Variants in C18orf54 observed in about 807,000 individuals in gnomAD.
C18orf54 encodes lung adenoma susceptibility protein 2.
C18orf54 carries 49 observed loss-of-function variants against 49.3 expected under a neutral mutation model. The ratio of observed to expected loss-of-function variants is 0.99; its 90% CI spans 0.79 to 1.26. C18orf54 has a LOEUF of 1.26. Among genes scored for constraint, C18orf54 ranks in the 50% most tolerant of loss-of-function variants. C18orf54 has a pLI of 0.00. For synonymous variants in C18orf54, 211 were observed against 216.6 expected (o/e 0.97, Z 0.23); for missense variants, 687 against 620.6 (o/e 1.11, Z -1.14).
chr18:54,376,390 G>A (rs1599352335), intron 8 of C18orf54, among the ~76,000 whole-genome samples: 1 of 152,298 alleles, frequency 6.6e-6, no homozygotes, highest in East Asian at 1.9e-4. Flanking sequence ...GTAGAGATGG[G>A]GTTTCGCCAT....
chr18:54,378,366 G>A lies in C18orf54; in HGVS notation c.*120G>A. 2 of 835,884 alleles carry A rather than the reference G, an allele frequency of 2.4e-6. No individual in the cohort carries two copies. Among genetic ancestry groups the A allele is most frequent in the Non-Finnish European group, 3.6e-6 (2 of 552,898 alleles). 51.8% of individuals were successfully genotyped at this position (835,884 alleles called of 1,614,324 possible). A position where few individuals can be genotyped will look rare whatever the true frequency, so the allele number is the denominator to read the frequency against. ...TACATTATTTTGTGGTTGGTTCAAG[G>A]ATTATATATTTCTAAAACACTAAAC... On this transcript the variant is annotated 3_prime_UTR_variant, in exon 9 of 9. Coordinates refer to ENST00000620105, the MANE Select transcript of C18orf54 (RefSeq NM_001288980.2).
intron 6 of C18orf54, among the ~76,000 whole-genome samples, chr18:54,372,014 CATGA>C (rs2089494291): frequency 6.6e-6 from 1 of 151,884 alleles, no homozygotes; most frequent in Non-Finnish European, 1.5e-5. Context: ...ATGTATGGCC[CATGA>C]AGAGGTGAAA....
rs565821754 is a variant in C18orf54 at position 54,377,626 on chromosome 18, A to G, written c.1530-548A>G. 8.5e-5 allele frequency among the ~76,000 whole-genome samples: 13 copies of G among 152,338 alleles called. No homozygotes were observed. The East Asian group carries it at 1.5e-3, about 18-fold the overall frequency. On this transcript the variant is annotated intron_variant, in intron 8 of 8. Coordinates refer to ENST00000620105, the MANE Select transcript of C18orf54 (RefSeq NM_001288980.2). ...TCAGAGAAAAATCTAGGTTGTTGGT[A>G]TAACAACACATTATATAGACTTATT...
intron 6 of C18orf54, among the ~76,000 whole-genome samples, chr18:54,369,527 T>C (rs1236026888): frequency 7.5e-6 from 1 of 132,684 alleles, no homozygotes; most frequent in Non-Finnish European, 1.5e-5. Context: ...TGGAGCGCAG[T>C]GGCACAATCT....
chr18:54,366,157 A>C (rs1334795684), intron 6 of C18orf54, among the ~76,000 whole-genome samples: 1 of 151,792 alleles, frequency 6.6e-6, no homozygotes, highest in African/African-American at 2.4e-5. Context: ...TCTTTAAGGT[A>C]TTTGGAAATA....
Position 54,374,200 on chromosome 18 carries a change from GT to G in C18orf54, c.1459-9del. On this transcript the variant is annotated splice_polypyrimidine_tract_variant and intron_variant, in intron 7 of 8. Coordinates refer to ENST00000620105, the MANE Select transcript of C18orf54 (RefSeq NM_001288980.2). The stretch of plus-strand genomic sequence containing the variant: ...ATTTTAATATTTTGTTATATTTGGT[GT>G]TTTTAATAATAGGTTTCAGAAGATG... The G allele has an allele frequency of 1.3e-6, 2 of 1,541,796 alleles. No individual in the cohort carries two copies. Among genetic ancestry groups the G allele is most frequent in the South Asian group, 1.2e-5 (1 of 80,366 alleles).
At chr18:54,369,568 A>G (rs1282529321) in intron 6 of C18orf54, among the ~76,000 whole-genome samples, 6 of 145,354 alleles carry the variant, frequency 4.1e-5, no homozygotes, top group South Asian at 2.2e-4. Context: ...TCCCAGGTTC[A>G]AGCAGTTTTC....
intron 5 of C18orf54, 52 bp from the exon 6 acceptor site, chr18:54,365,667 T>G: frequency 9.2e-7 from 1 of 1,081,234 alleles, no homozygotes; most frequent in Non-Finnish European, 1.4e-6. Flanking sequence ...CTGTTTACTT[T>G]TTAGAAATTG....
In C18orf54 at chr18:54,378,464, C is replaced by A; in HGVS notation, c.*218C>A. 1 of 397,454 alleles carries A rather than the reference C, an allele frequency of 2.5e-6. No homozygotes were observed. Among genetic ancestry groups the A allele is most frequent in the Non-Finnish European group, 4.5e-6 (1 of 222,066 alleles). The allele number at this position is 397,454 out of a possible 1,614,324, so 24.6% of individuals were successfully genotyped here. On this transcript the variant is annotated 3_prime_UTR_variant, in exon 9 of 9. Coordinates refer to ENST00000620105, the MANE Select transcript of C18orf54 (RefSeq NM_001288980.2). ...ATACTAGAATGTGAACTGCAAGGAC[C>A]CACAATATATCCTGAAGTCTTACTT...
intron 6 of C18orf54, among the ~76,000 whole-genome samples, chr18:54,366,826 G>T (rs2144732713): frequency 6.9e-6 from 1 of 145,024 alleles, no homozygotes; most frequent in South Asian, 2.2e-4. Flanking sequence ...TAAAAAAAAA[G>T]TCCATAATTG....
chr18:54,373,337 A>C (rs1383706078), intron 7 of C18orf54, among the ~76,000 whole-genome samples: 2 of 151,844 alleles, frequency 1.3e-5, no homozygotes, highest in African/African-American at 2.4e-5. Flanking sequence ...GGTGTACAAC[A>C]TGATGTTTTG....
At chr18:54,365,573 C>T in intron 5 of C18orf54, 146 bp from the exon 6 acceptor site, 1 of 463,044 alleles carries the variant, frequency 2.2e-6, no homozygotes, top group East Asian at 3.2e-5. Context: ...AGGGAATTAC[C>T]ATACAACATT....
rs1208304611 is a variant in C18orf54 at position 54,380,657 on chromosome 18, T to C, written c.*2411T>C. On this transcript the variant is annotated 3_prime_UTR_variant, in exon 9 of 9. Coordinates refer to ENST00000620105, the MANE Select transcript of C18orf54 (RefSeq NM_001288980.2). ...TGGGTATATGTCATTATAGTTATGTTATTTCTTGTTGAAATTTATAATTGT... is the reference window on the plus strand; with the variant it reads ...TGGGTATATGTCATTATAGTTATGTCATTTCTTGTTGAAATTTATAATTGT... 1 of 152,136 alleles carries C rather than the reference T, an allele frequency of 6.6e-6. No homozygotes were observed. Among genetic ancestry groups the C allele is most frequent in the Non-Finnish European group, 1.5e-5 (1 of 67,968 alleles). The allele number at this position is 152,136 out of a possible 1,614,324, so 9.4% of individuals were successfully genotyped here. A position where few individuals can be genotyped will look rare whatever the true frequency, so the allele number is the denominator to read the frequency against.
intron 6 of C18orf54, 48 bp from the exon 7 acceptor site, chr18:54,372,418 C>T: frequency 7.2e-7 from 1 of 1,394,164 alleles, no homozygotes. Flanking sequence ...CTCTTCTTTC[C>T]CTGAGCTTGG....
At chr18:54,367,976 T>G (rs1229595815) in intron 6 of C18orf54, among the ~76,000 whole-genome samples, 1 of 152,174 alleles carries the variant, frequency 6.6e-6, no homozygotes, top group East Asian at 1.9e-4. Context: ...TTAAGCTCTC[T>G]ATTGTATTTT....
intron 6 of C18orf54, among the ~76,000 whole-genome samples, chr18:54,369,565 T>TTA (rs1225216091): frequency 1.4e-5 from 2 of 144,444 alleles, no homozygotes; most frequent in Non-Finnish European, 3.0e-5. Context: ...GCCTCCCAGG[T>TTA]TCAAGCAGTT....
rs777254306 is a variant in C18orf54 at position 54,372,477 on chromosome 18, C to A, written c.1338C>A (p.Leu446=). ...TGTTTTAACCTTAGAGCTGTACTCT[C>A]TCTGGAGGCAAACATCATGGTCCTG... ...FLNNDNQSCT[L]SGGKHHGPVE... Residue 446 remains leucine (L), a synonymous_variant, in exon 7 of 9, where the codon CTC becomes CTA. Coordinates refer to ENST00000620105, the MANE Select transcript of C18orf54 (RefSeq NM_001288980.2). 4 of 1,608,738 alleles carry A rather than the reference C, an allele frequency of 2.5e-6. No homozygotes were observed. In the Admixed American group the frequency reaches 6.7e-5, roughly 27 times the overall value.
rs1298508142 is a variant in C18orf54 at position 54,367,501 on chromosome 18, T to C, written c.1326+1680T>C. Among the ~76,000 whole-genome samples the C allele has an allele frequency of 2.0e-5, 3 of 148,394 alleles. No individual in the cohort carries two copies. In the East Asian group the frequency reaches 6.0e-4, roughly 30 times the overall value. Reference sequence around the variant, plus strand: ...AAGGAAAGCTTTGCTCCATATAGTATCTTGGCTTGCGATTTTTCTTTTCAG... The same window carrying C: ...AAGGAAAGCTTTGCTCCATATAGTACCTTGGCTTGCGATTTTTCTTTTCAG... On this transcript the variant is annotated intron_variant, in intron 6 of 8. Coordinates refer to ENST00000620105, the MANE Select transcript of C18orf54 (RefSeq NM_001288980.2).
In C18orf54 at chr18:54,362,403, C is replaced by T. The variant is rs1472271000; in HGVS notation, c.1044C>T (p.Leu348=). The T allele has an allele frequency of 3.3e-6, 5 of 1,526,184 alleles. No individual in the cohort carries two copies. The South Asian group carries it at 6.1e-5, about 18-fold the overall frequency. The allele number at this position is 1,526,184 out of a possible 1,614,324, so 94.5% of individuals were successfully genotyped here. A position where few individuals can be genotyped will look rare whatever the true frequency, so the allele number is the denominator to read the frequency against. Residue 348 remains leucine, a synonymous_variant, in exon 4 of 9, where the codon CTC becomes CTT. Coordinates refer to ENST00000620105, the MANE Select transcript of C18orf54 (RefSeq NM_001288980.2). ...HSQCQCENPL[L]PGQSTKPFSG... is the part of the protein sequence containing the mutation. Reference sequence around the variant, plus strand: ...AGTGTCAATGTGAGAATCCACTTCTCCCAGGACAATCCACAAAGCCATTCA... The same window carrying T: ...AGTGTCAATGTGAGAATCCACTTCTTCCAGGACAATCCACAAAGCCATTCA...
Sources: gnomAD v4.1 joint callset for allele counts (sites outside exome capture counted in the v4.1 genomes callset) on GRCh38, gnomAD v4.1.1 for gene constraint, MANE v1.5 for transcripts, NCBI Gene and HGNC (gene_info 2026-07-23, HGNC 2026-07-21) for gene names.